ARID1A: variants seen among roughly 807,000 people sequenced by gnomAD.
The protein encoded by ARID1A is AT-rich interactive domain-containing protein 1A.
Under a neutral mutation model 212.6 loss-of-function variants are expected in ARID1A, and 20 were observed. The observed-to-expected ratio is 0.09, with a 90% CI of 0.07 to 0.14. ARID1A has a LOEUF of 0.14. ARID1A is among the 10% of genes least tolerant of loss of function. The probability of loss-of-function intolerance (pLI) is 1.00; values close to 1 mark genes in which losing one functional copy is unlikely to be tolerated. For synonymous variants in ARID1A, 1,376 were observed against 1,222.1 expected (o/e 1.13, Z -2.63); for missense variants, 2,587 against 3,059.0 (o/e 0.85, Z 3.64).
At chr1:26,730,708 C>G (rs1384503357) in intron 2 of ARID1A, among the ~76,000 whole-genome samples, 1 of 151,946 alleles carries the variant, frequency 6.6e-6, no homozygotes, top group Non-Finnish European at 1.5e-5. Flanking sequence ...AAAGAGAGAA[C>G]CAAAGTAGCT....
chr1:26,778,975 T>TAA (rs1231314024), intron 19 of ARID1A, 48 bp from the exon 20 acceptor site: 1 of 1,489,414 alleles, frequency 6.7e-7, no homozygotes, highest in African/African-American at 1.4e-5. Context: ...ATTCTGTTCT[T>TAA]AGGCCACTTT....
intron 1 of ARID1A, among the ~76,000 whole-genome samples, chr1:26,720,631 A>G (rs2080553805): frequency 6.6e-6 from 1 of 152,122 alleles, no homozygotes; most frequent in African/African-American, 2.4e-5. Flanking sequence ...TAATCCCAGC[A>G]CTTTGGGAGG....
In ARID1A at chr1:26,779,923, C is replaced by G. The variant is rs2081175348; in HGVS notation, c.6025C>G (p.Leu2009Val). The G allele has an allele frequency of 6.2e-7, 1 of 1,614,190 alleles. No homozygotes were observed. The highest frequency in any genetic ancestry group is 1.3e-5 in the African/African-American group (1 of 75,044). Reference sequence around the variant, plus strand: ...GATGTCCAAACACCCAGGGCTGCTGCTCATCCTGGGCAAGCTGATCCTGCT... The same window carrying G: ...GATGTCCAAACACCCAGGGCTGCTGGTCATCCTGGGCAAGCTGATCCTGCT... Reference protein sequence around the residue: ...FEMSKHPGLLLILGKLILLHH... With the variant: ...FEMSKHPGLLVILGKLILLHH... The change falls in exon 20 of 20, where the codon CTC (leucine) becomes GTC (valine). Residue 2009 changes from leucine to valine, a missense_variant. Coordinates refer to ENST00000324856, the MANE Select transcript of ARID1A (RefSeq NM_006015.6).
intron 7 of ARID1A, among the ~76,000 whole-genome samples, chr1:26,762,526 C>A (rs1410500040): frequency 6.6e-6 from 1 of 152,376 alleles, no homozygotes; most frequent in African/African-American, 2.4e-5. Flanking sequence ...TTCAATTTCA[C>A]TGAGCCTCTG....
intron 1 of ARID1A, among the ~76,000 whole-genome samples, chr1:26,726,360 G>C (rs1024380392): frequency 1.3e-5 from 2 of 151,818 alleles, no homozygotes; most frequent in African/African-American, 4.8e-5. Context: ...TTTTAGTAGA[G>C]ATGAGGTTTT....
chr1:26,721,268 G>A (rs1270053049), intron 1 of ARID1A, among the ~76,000 whole-genome samples: 2 of 152,174 alleles, frequency 1.3e-5, no homozygotes, highest in Non-Finnish European at 2.9e-5. Flanking sequence ...CTGGAGTGCA[G>A]TGGTGCGATC....
In ARID1A at chr1:26,697,335, A is replaced by G. The variant is rs1001033158; in HGVS notation, c.932A>G (p.Tyr311Cys). ...AGCTCGGCCCGGGGCTACCAGGGCT[A>G]CCCCGGGGGCGACTACAGTGGCGGG... ...SPSSARGYQG[Y>C]PGGDYSGGPQ... Residue 311 changes from tyrosine (Y) to cysteine (C), a missense_variant, in exon 1 of 20, where the codon TAC (tyrosine) becomes TGC (cysteine). Physicochemically the swap from Tyr to Cys is radical, Grantham distance 194. Coordinates refer to ENST00000324856, the MANE Select transcript of ARID1A (RefSeq NM_006015.6). The G allele has an allele frequency of 6.8e-6, 9 of 1,330,972 alleles. No individual in the cohort carries two copies. The highest frequency in any genetic ancestry group is 2.9e-6 in the Non-Finnish European group (3 of 1,047,480). The allele number at this position is 1,330,972 out of a possible 1,614,324, so 82.4% of individuals were successfully genotyped here. A position where few individuals can be genotyped will look rare whatever the true frequency, so the allele number is the denominator to read the frequency against.
intron 19 of ARID1A, among the ~76,000 whole-genome samples, chr1:26,777,322 G>A (rs1222748697): frequency 5.9e-5 from 9 of 152,074 alleles, no homozygotes; most frequent in Admixed American, 5.9e-4. Context: ...CGAGGCTCAG[G>A]TGATCCTCCC....
chr1:26,737,697 C>G (rs1344486872), intron 4 of ARID1A, among the ~76,000 whole-genome samples: 1 of 151,976 alleles, frequency 6.6e-6, no homozygotes, highest in Non-Finnish European at 1.5e-5. Flanking sequence ...GAAACACCAT[C>G]TCTACTAAAA....
intron 4 of ARID1A, among the ~76,000 whole-genome samples, chr1:26,755,061 A>G (rs1005490011): frequency 6.6e-6 from 1 of 152,138 alleles, no homozygotes; most frequent in Admixed American, 6.5e-5. Flanking sequence ...GTGAGCCAAG[A>G]TTGTGCCACT....
chr1:26,718,132 G>C (rs574085323), intron 1 of ARID1A, among the ~76,000 whole-genome samples: 6 of 151,920 alleles, frequency 3.9e-5, no homozygotes, highest in Non-Finnish European at 7.4e-5. Context: ...GCACCACCAC[G>C]CCCAGCTAAT....
chr1:26,722,242 G>A (rs1362815103), intron 1 of ARID1A, among the ~76,000 whole-genome samples: 1 of 152,080 alleles, frequency 6.6e-6, no homozygotes, highest in East Asian at 1.9e-4. Flanking sequence ...GATTTTTGTG[G>A]TGGTTTTTTT....
rs150655556 is a variant in ARID1A at position 26,744,155 on chromosome 1, G to A, written c.1920+11363G>A. Among the ~76,000 whole-genome samples the A allele has an allele frequency of 2.7e-3, 413 of 152,244 alleles. 16 individuals carry two copies. In the South Asian group the frequency reaches 0.043, roughly 16 times the overall value. ...CATGTAGCCATCCCTTCTCTAGAAC[G>A]CTGGTTCTCTGGGCTGGACTGGCCA... is the stretch of plus-strand genomic sequence containing the variant. On this transcript the variant is annotated intron_variant, in intron 4 of 19. Coordinates refer to ENST00000324856, the MANE Select transcript of ARID1A (RefSeq NM_006015.6).
intron 1 of ARID1A, among the ~76,000 whole-genome samples, chr1:26,723,067 C>G (rs919159808): frequency 6.6e-6 from 1 of 152,100 alleles, no homozygotes; most frequent in Non-Finnish European, 1.5e-5. Flanking sequence ...CAAAGAAGGT[C>G]TGAAATACTA....
chr1:26,755,298 C>G (rs959183889), intron 4 of ARID1A, among the ~76,000 whole-genome samples: 5 of 152,220 alleles, frequency 3.3e-5, no homozygotes, highest in Admixed American at 1.3e-4. Context: ...AACCAACTAT[C>G]TGATGCTGAC....
chr1:26,698,021 G>A (rs192323916), intron 1 of ARID1A, among the ~76,000 whole-genome samples: 1 of 152,186 alleles, frequency 6.6e-6, no homozygotes, highest in East Asian at 1.9e-4. Flanking sequence ...AGCTCGAGGG[G>A]ACCTCGAGGG....
rs2124789479 is a variant in ARID1A, at chr1:26,731,440, A to G, written c.1639A>G (p.Ser547Gly). 6.2e-7 allele frequency: 1 copy of G among 1,613,412 alleles called. No individual in the cohort carries two copies. The highest frequency in any genetic ancestry group is 8.5e-7 in the Non-Finnish European group (1 of 1,179,836). Residue 547 changes from serine (S) to glycine (G), a missense_variant, in exon 3 of 20, where the codon AGC becomes GGC. This residue lies in a region of ARID1A where 674 missense variants were observed against 813.4 expected (regional missense o/e 0.83). Coordinates refer to ENST00000324856, the MANE Select transcript of ARID1A (RefSeq NM_006015.6). ...QQSTTQQHPQ[S>G]QPPYSQPQAQ... ...GTCGACGACACAGCAGCACCCCCAGAGCCAGCCCCCCTACTCACAGCCACA... is the reference window on the plus strand; with the variant it reads ...GTCGACGACACAGCAGCACCCCCAGGGCCAGCCCCCCTACTCACAGCCACA...
rs371187336 is a variant in ARID1A at position 26,772,497 on chromosome 1, C to T, written c.3407-3C>T. On this transcript the variant is annotated splice_region_variant and splice_polypyrimidine_tract_variant and intron_variant, in intron 12 of 19. Transcript: ENST00000324856. ...ACTACTCAACTTGTATCTCTGTCCACAGCGGGATCAGGATCTATGCAGGGG... is the reference window on the plus strand; with the variant it reads ...ACTACTCAACTTGTATCTCTGTCCATAGCGGGATCAGGATCTATGCAGGGG... The T allele has an allele frequency of 6.2e-7, 1 of 1,614,232 alleles. No individual in the cohort carries two copies.
At chr1:26,741,319 ATT>A (rs1460124469) in intron 4 of ARID1A, among the ~76,000 whole-genome samples, 1 of 152,182 alleles carries the variant, frequency 6.6e-6, no homozygotes, top group Non-Finnish European at 1.5e-5. Context: ...GTCATAAAGC[ATT>A]TTATTGGGAT....
Sources: gnomAD v4.1 joint callset for allele counts (sites outside exome capture counted in the v4.1 genomes callset) on GRCh38, gnomAD v4.1.1 for gene constraint, gnomAD v4.1.1 regional missense constraint, MANE v1.5 for transcripts, NCBI Gene and HGNC (gene_info 2026-07-23, HGNC 2026-07-21) for gene names.